Variants in POTEG observed in about 807,000 individuals in gnomAD.
The protein encoded by POTEG is POTE ankyrin domain family member G.
POTEG carries 2 observed loss-of-function variants against 49.6 expected under a neutral mutation model. The observed-to-expected ratio is 0.04, with a 90% CI of 0.02 to 0.13. The LOEUF is 0.13. POTEG is among the 10% of genes least tolerant of loss of function. The pLI, the probability that POTEG is intolerant of heterozygous loss-of-function variation, is 1.00. For synonymous variants in POTEG, 7 were observed against 186.6 expected, an observed-to-expected ratio of 0.04 and a Z score of 7.84; for missense variants, 26 against 545.2, an observed-to-expected ratio of 0.05 and a Z score of 9.48.
At chr14:19,432,496 A>G (rs1188281796) in intron 1 of POTEG, among the ~76,000 whole-genome samples, 3 of 110,950 alleles carry the variant, frequency 2.7e-5, no homozygotes, top group African/African-American at 1.1e-4. Context: ...ATATATCTGC[A>G]TATGTAAATA....
chr14:19,431,964 T>C (rs1184191598), intron 1 of POTEG, among the ~76,000 whole-genome samples: 4 of 3,732 alleles, frequency 1.1e-3, no homozygotes, highest in African/African-American at 4.5e-3. Flanking sequence ...AATTCCTTCT[T>C]CTACCAGGAA....
At chr14:19,433,250 T>C (rs1190686973) in intron 1 of POTEG, among the ~76,000 whole-genome samples, 1 of 130,698 alleles carries the variant, frequency 7.7e-6, no homozygotes, top group African/African-American at 3.0e-5. Flanking sequence ...CTTCAGAAAA[T>C]TCAATCTTCC....
intron 1 of POTEG, among the ~76,000 whole-genome samples, chr14:19,430,698 AATGG>A (rs1412060906): frequency 1.6e-5 from 2 of 126,580 alleles, no homozygotes; most frequent in African/African-American, 5.6e-5. Flanking sequence ...GATTGAAAAC[AATGG>A]ATGAACACAG....
chr14:19,431,213 T>C (rs1345108280), intron 1 of POTEG, among the ~76,000 whole-genome samples: 1 of 152,388 alleles, frequency 6.6e-6, no homozygotes, highest in Non-Finnish European at 1.5e-5. Context: ...TGTTCGTGTA[T>C]ATGTGTAACA....
At chr14:19,430,680 AC>A (rs1282266752) in intron 1 of POTEG, among the ~76,000 whole-genome samples, 1 of 125,016 alleles carries the variant, frequency 8.0e-6, no homozygotes, top group African/African-American at 2.9e-5. Context: ...ATGTCTGATG[AC>A]TAAACGGATT....
At position 19,425,587 on chromosome 14, in the gene POTEG, T is replaced by C. The variant is rs1465007381; in HGVS notation, c.917+19A>G. ...CTGCTATCCATCTGGAACACACAGA[T>C]TAAAAGAAAGAACTATACCTTCCAT... is the stretch of plus-strand genomic sequence containing the variant. On this transcript the variant is annotated intron_variant, in intron 4 of 10. Transcript: ENST00000547848. The C allele has an allele frequency of 1.4e-6, 1 of 717,292 alleles. No individual in the cohort carries two copies. Among genetic ancestry groups the C allele is most frequent in the South Asian group, 2.3e-5 (1 of 42,690 alleles). The allele number at this position is 717,292 out of a possible 1,614,324, so 44.4% of individuals were successfully genotyped here. A position where few individuals can be genotyped will look rare whatever the true frequency, so the allele number is the denominator to read the frequency against.
In POTEG at chr14:19,430,601, A is replaced by G. The variant is rs1315694718; in HGVS notation, c.522-1612T>C. On this transcript the variant is annotated intron_variant, in intron 1 of 10. Transcript: ENST00000547848. ...GCTCAAGCCCAGCAGGCAAACATAA[A>G]TGTTTTCAAAGATGGAAGGATCCTG... Among the ~76,000 whole-genome samples, 5 of 120,144 alleles carry G rather than the reference A, an allele frequency of 4.2e-5. No individual in the cohort carries two copies. The East Asian group carries it at 8.7e-4, about 21-fold the overall frequency. 78.8% of individuals were successfully genotyped at this position (120,144 alleles called of 152,430 possible). A position where few individuals can be genotyped will look rare whatever the true frequency, so the allele number is the denominator to read the frequency against.
intron 1 of POTEG, among the ~76,000 whole-genome samples, chr14:19,432,652 C>T (rs1236272773): frequency 2.7e-5 from 2 of 73,360 alleles, no homozygotes; most frequent in East Asian, 3.4e-4. Flanking sequence ...TAATACAAAA[C>T]GTCACCATTA....
At chr14:19,415,176 G>T (rs1348998665) in intron 7 of POTEG, among the ~76,000 whole-genome samples, 1 of 144,044 alleles carries the variant, frequency 6.9e-6, no homozygotes, top group African/African-American at 2.5e-5. Context: ...ATATGATAGT[G>T]TTATGTATCT....
At chr14:19,415,828 AATTTTTTT>A (rs1305268768) in intron 7 of POTEG, among the ~76,000 whole-genome samples, 414 of 132,610 alleles carry the variant, frequency 3.1e-3, no homozygotes, top group Middle Eastern at 0.016. Context: ...AATCTATTAA[AATTTTTTT>A]TTTTTTTTTT....
chr14:19,432,449 T>C lies in POTEG; in HGVS notation c.521+1320A>G, dbSNP rs1176886413. Among the ~76,000 whole-genome samples the C allele has an allele frequency of 1.0e-3, 46 of 46,090 alleles. 1 individual carries two copies. Among genetic ancestry groups the C allele is most frequent in the African/African-American group, 1.7e-3 (32 of 18,400 alleles). 30.2% of individuals were successfully genotyped at this position (46,090 alleles called of 152,430 possible). On this transcript the variant is annotated intron_variant, in intron 1 of 10. Coordinates refer to ENST00000547848, the MANE Select transcript of POTEG (RefSeq NM_001005356.3). ...GTATATACGTATATATATATATACA[T>C]ATATATATACATATATACATATATA...
At chr14:19,432,403 T>TATACATACACAC (rs1330765784) in intron 1 of POTEG, among the ~76,000 whole-genome samples, 1 of 44,728 alleles carries the variant, frequency 2.2e-5, no homozygotes, top group Non-Finnish European at 4.4e-5. Context: ...TATATATATA[T>TATACATACACAC]ACACACACAT....
intron 6 of POTEG, among the ~76,000 whole-genome samples, chr14:19,420,028 T>G (rs1883693358): frequency 7.3e-6 from 1 of 136,744 alleles, no homozygotes; most frequent in African/African-American, 3.0e-5. Flanking sequence ...TTAGCAAAAG[T>G]GAATTGCTCA....
At chr14:19,433,219 G>A (rs1332694652) in intron 1 of POTEG, among the ~76,000 whole-genome samples, 8 of 142,504 alleles carry the variant, frequency 5.6e-5, no homozygotes, top group East Asian at 2.0e-4. Flanking sequence ...GAGCCACCAC[G>A]CCCAGCCAAA....
chr14:19,420,016 T>C lies in POTEG; in HGVS notation c.1126+1608A>G, dbSNP rs1449343743. Among the ~76,000 whole-genome samples, 8 of 139,322 alleles carry C rather than the reference T, an allele frequency of 5.7e-5. 2 individuals are homozygous for C. Among genetic ancestry groups the C allele is most frequent in the African/African-American group, 2.3e-4 (8 of 34,566 alleles). The allele number at this position is 139,322 out of a possible 152,430, so 91.4% of individuals were successfully genotyped here. ...AACCTCTCGTATCTCACACTTTTGG[T>C]ATTAGCAAAAGTGAATTGCTCAGAA... On this transcript the variant is annotated intron_variant, in intron 6 of 10. Transcript: ENST00000547848.
Position 19,425,600 on chromosome 14 carries a change from C to T in POTEG, c.917+6G>A. On this transcript the variant is annotated splice_donor_region_variant and intron_variant, in intron 4 of 10. Coordinates refer to ENST00000547848, the MANE Select transcript of POTEG (RefSeq NM_001005356.3). ...GGAACACACAGATTAAAAGAAAGAA[C>T]TATACCTTCCATATCTATCCAGTGC... is the stretch of plus-strand genomic sequence containing the variant. 1.4e-6 allele frequency: 1 copy of T among 705,846 alleles called. No homozygotes were observed. Among genetic ancestry groups the T allele is most frequent in the South Asian group, 2.4e-5 (1 of 42,180 alleles). 43.7% of individuals were successfully genotyped at this position (705,846 alleles called of 1,614,324 possible). A position where few individuals can be genotyped will look rare whatever the true frequency, so the allele number is the denominator to read the frequency against.
chr14:19,432,377 TATATATATATATATATATATATATATAC>T (rs1884172124), intron 1 of POTEG, among the ~76,000 whole-genome samples: 1 of 62,468 alleles, frequency 1.6e-5, no homozygotes, highest in African/African-American at 5.0e-5. Flanking sequence ...TATATATATA[TATATATATATATATATATATATATATAC>T]ACACACATGT....
Position 19,425,611 on chromosome 14 carries a change from A to G in POTEG, c.912T>C (p.Tyr304=), listed in dbSNP as rs747943187. ...KKANLNALDR[Y]GRTALILAVC... ...ATTAAAAGAAAGAACTATACCTTCCATATCTATCCAGTGCATTTAAATTTG... is the reference window on the plus strand; with the variant it reads ...ATTAAAAGAAAGAACTATACCTTCCGTATCTATCCAGTGCATTTAAATTTG... The change falls in exon 4 of 11, where the codon TAT becomes TAC. Residue 304 remains tyrosine (Y), a synonymous_variant. Coordinates refer to ENST00000547848, the MANE Select transcript of POTEG (RefSeq NM_001005356.3). The G allele has an allele frequency of 3.0e-5, 21 of 695,256 alleles. 7 individuals carry two copies. Among genetic ancestry groups the G allele is most frequent in the Middle Eastern group, 9.7e-4 (2 of 2,062 alleles). 43.1% of individuals were successfully genotyped at this position (695,256 alleles called of 1,614,324 possible).
At chr14:19,429,058 A>T in intron 1 of POTEG, 69 bp from the exon 2 acceptor site, 1 of 491,618 alleles carries the variant, frequency 2.0e-6, no homozygotes, top group Non-Finnish European at 3.0e-6. Context: ...TGACACACAT[A>T]ATCACAAACA....
Sources: gnomAD v4.1 joint callset for allele counts (sites outside exome capture counted in the v4.1 genomes callset) on GRCh38, gnomAD v4.1.1 for gene constraint, MANE v1.5 for transcripts, NCBI Gene and HGNC (gene_info 2026-07-23, HGNC 2026-07-21) for gene names.